Variants in RPS6KC1 observed in about 807,000 individuals in gnomAD.
The protein encoded by RPS6KC1 is ribosomal protein S6 kinase C1, also known as inactive ribosomal protein S6 kinase delta-1.
A neutral mutation model predicts 103.8 loss-of-function variants in RPS6KC1; 54 were observed. The observed-to-expected ratio is 0.52, with a 90% CI of 0.42 to 0.65. The LOEUF (loss-of-function observed/expected upper bound fraction) is 0.65. RPS6KC1 is among the 30% of genes least tolerant of loss of function. RPS6KC1 has a pLI of 0.00. For missense variants in RPS6KC1, 1,151 were observed against 1,253.8 expected, an observed-to-expected ratio of 0.92 and a Z score of 1.24; for synonymous variants, 439 against 438.7, an observed-to-expected ratio of 1.00 and a Z score of -0.01.
chr1:213,412,644 T>A, the RPS6KC1 span, among the ~76,000 whole-genome samples: 1 of 152,216 alleles, frequency 6.6e-6, no homozygotes. Flanking sequence ...GGACTTTCAA[T>A]CTGGGGAGAG....
intron 8 of RPS6KC1, among the ~76,000 whole-genome samples, chr1:213,192,748 T>G (rs2092794890): frequency 6.6e-6 from 1 of 152,096 alleles, no homozygotes; most frequent in Admixed American, 6.5e-5. Flanking sequence ...TAATTATGGG[T>G]TTGGTTTGCT....
chr1:213,800,804 A>G, the RPS6KC1 span, among the ~76,000 whole-genome samples: 1 of 152,142 alleles, frequency 6.6e-6, no homozygotes, highest in African/African-American at 2.4e-5. Context: ...TTCAGTATCT[A>G]CTATGGTGTG....
chr1:213,431,755 T>G, the RPS6KC1 span, among the ~76,000 whole-genome samples: 45 of 152,140 alleles, frequency 3.0e-4, no homozygotes, highest in African/African-American at 1.0e-3. Context: ...TTATGAATAA[T>G]AGTGTTATGA....
At chr1:213,103,793 C>G (rs943035248) in intron 3 of RPS6KC1, among the ~76,000 whole-genome samples, 1 of 152,130 alleles carries the variant, frequency 6.6e-6, no homozygotes, top group African/African-American at 2.4e-5. Flanking sequence ...ACAAAATGAT[C>G]ATATTTTGAA....
At chr1:213,533,852 C>G in the RPS6KC1 span, among the ~76,000 whole-genome samples, 1 of 152,134 alleles carries the variant, frequency 6.6e-6, no homozygotes, top group Admixed American at 6.5e-5. Flanking sequence ...AGGGAGAAAA[C>G]AGTCCAGCCA....
At chr1:213,166,878 A>G (rs552562293) in intron 6 of RPS6KC1, among the ~76,000 whole-genome samples, 3 of 152,340 alleles carry the variant, frequency 2.0e-5, no homozygotes, top group African/African-American at 7.2e-5. Flanking sequence ...ATTAGAGGAA[A>G]GTAGGTTCAC....
chr1:213,161,294 G>A (rs568945501), intron 6 of RPS6KC1, among the ~76,000 whole-genome samples: 3 of 152,116 alleles, frequency 2.0e-5, no homozygotes, highest in African/African-American at 7.2e-5. Flanking sequence ...TTTCAAATGT[G>A]ATATAGTCTG....
the RPS6KC1 span, among the ~76,000 whole-genome samples, chr1:213,402,088 A>C: frequency 6.6e-6 from 1 of 152,142 alleles, no homozygotes; most frequent in African/African-American, 2.4e-5. Context: ...TTTTTAAAAA[A>C]TTCAGGTTAG....
the RPS6KC1 span, among the ~76,000 whole-genome samples, chr1:213,355,289 G>A: frequency 3.9e-5 from 6 of 152,084 alleles, no homozygotes; most frequent in Non-Finnish European, 8.8e-5. Flanking sequence ...GGTGAAGGGG[G>A]CTGGTGGAAG....
chr1:213,077,387 A>C (rs918722341), intron 2 of RPS6KC1, among the ~76,000 whole-genome samples: 2 of 152,222 alleles, frequency 1.3e-5, no homozygotes, highest in Non-Finnish European at 2.9e-5. Context: ...TTCCAGTATG[A>C]ATAAAACCAT....
At chr1:213,531,753 G>A in the RPS6KC1 span, among the ~76,000 whole-genome samples, 1 of 152,154 alleles carries the variant, frequency 6.6e-6, no homozygotes, top group South Asian at 2.1e-4. Context: ...CTTTTCTCTG[G>A]CTTAGAGATA....
At chr1:213,712,226 T>C in the RPS6KC1 span, among the ~76,000 whole-genome samples, 7 of 151,754 alleles carry the variant, frequency 4.6e-5, no homozygotes, top group African/African-American at 1.7e-4. Context: ...AGAGGAGGAG[T>C]TTATAGAGGC....
the RPS6KC1 span, among the ~76,000 whole-genome samples, chr1:213,773,456 C>T: frequency 6.8e-6 from 1 of 147,472 alleles, no homozygotes; most frequent in African/African-American, 2.5e-5. Flanking sequence ...TTACATTATA[C>T]ATATAATCTA....
At chr1:213,759,986 T>G in the RPS6KC1 span, among the ~76,000 whole-genome samples, 2 of 152,328 alleles carry the variant, frequency 1.3e-5, no homozygotes, top group East Asian at 3.9e-4. Context: ...CAAGTCATCA[T>G]GTGCTCTCTT....
the RPS6KC1 span, among the ~76,000 whole-genome samples, chr1:213,373,379 G>A: frequency 1.7e-3 from 260 of 152,284 alleles, no homozygotes; most frequent in Non-Finnish European, 3.2e-3. Flanking sequence ...ATCCAAGTAC[G>A]GCACGATGCA....
chr1:213,468,203 T>C, the RPS6KC1 span, among the ~76,000 whole-genome samples: 4 of 152,268 alleles, frequency 2.6e-5, no homozygotes, highest in African/African-American at 9.6e-5. Context: ...AGTGGAACCT[T>C]ATCCTGTGTA....
At chr1:213,088,577 G>A (rs1349339703) in intron 3 of RPS6KC1, among the ~76,000 whole-genome samples, 1 of 151,952 alleles carries the variant, frequency 6.6e-6, no homozygotes, top group Non-Finnish European at 1.5e-5. Flanking sequence ...GGCTGGTCTC[G>A]AACTCCTGAG....
chr1:213,067,179 C>T (rs552201379), intron 1 of RPS6KC1, among the ~76,000 whole-genome samples: 1 of 152,136 alleles, frequency 6.6e-6, no homozygotes, highest in Non-Finnish European at 1.5e-5. Context: ...CAAGCTGTGC[C>T]CCTACCACCT....
the RPS6KC1 span, among the ~76,000 whole-genome samples, chr1:213,707,925 T>G: frequency 3.3e-5 from 5 of 152,226 alleles, no homozygotes; most frequent in Non-Finnish European, 5.9e-5. Context: ...GCCAGTACCA[T>G]GCTGTTTTGG....
Sources: gnomAD v4.1 joint callset for allele counts (sites outside exome capture counted in the v4.1 genomes callset) on GRCh38, gnomAD v4.1.1 for gene constraint, MANE v1.5 for transcripts, NCBI Gene and HGNC (gene_info 2026-07-23, HGNC 2026-07-21) for gene names.